Variants in CHD4 observed in about 807,000 individuals in gnomAD.
CHD4 encodes ATP-dependent chromatin remodeler CHD4.
A neutral mutation model predicts 235.5 loss-of-function variants in CHD4; 35 were observed. That is an observed-to-expected ratio of 0.15 (90% CI 0.11 to 0.20). The LOEUF (loss-of-function observed/expected upper bound fraction) is 0.20. Among genes scored for constraint, CHD4 ranks in the 10% least tolerant of loss-of-function variants. CHD4 has a pLI of 1.00. For synonymous variants in CHD4, 900 were observed against 850.2 expected, an observed-to-expected ratio of 1.06 and a Z score of -1.02; for missense variants, 1,329 against 2,432.3, an observed-to-expected ratio of 0.55 and a Z score of 9.54.
In CHD4 at chr12:6,581,114, C is replaced by T; in HGVS notation, c.4839G>A (p.Glu1613=). 6.2e-7 allele frequency: 1 copy of T among 1,614,138 alleles called. No individual in the cohort carries two copies. Among genetic ancestry groups the T allele is most frequent in the South Asian group, 1.1e-5 (1 of 91,076 alleles). Residue 1613 remains glutamate (E), a synonymous_variant, in exon 33 of 40, where the codon GAG becomes GAA. Transcript: ENST00000544040. The part of the protein sequence containing the change: ...EDEKVVVEPP[E]GEEKVEKAEV... ...CTGCCTTTTCCACTTTCTCCTCTCCCTCAGGGGGTTCAACAACGACCTTTT... is the reference window on the plus strand; with the variant it reads ...CTGCCTTTTCCACTTTCTCCTCTCCTTCAGGGGGTTCAACAACGACCTTTT...
At chr12:6,587,978 A>G (rs1433135623) in intron 23 of CHD4, 29 bp from the exon 24 acceptor site, 1 of 1,597,152 alleles carries the variant, frequency 6.3e-7, no homozygotes, top group African/African-American at 1.3e-5. Context: ...TAAAGCCAGA[A>G]ATTGTATTTT....
At chr12:6,572,868 A>T (rs1438093385) in intron 38 of CHD4, 2 of 473,620 alleles carry the variant, frequency 4.2e-6, no homozygotes, top group Non-Finnish European at 7.2e-6. Flanking sequence ...CCAGGAGTCC[A>T]TCTCTTTAAA....
At chr12:6,576,641 C>CT (rs1948076390) in intron 37 of CHD4, among the ~76,000 whole-genome samples, 1 of 152,106 alleles carries the variant, frequency 6.6e-6, no homozygotes. Context: ...GAGTCTCGCT[C>CT]TGTCGCCAGA....
intron 14 of CHD4, among the ~76,000 whole-genome samples, chr12:6,594,978 T>C (rs1412087306): frequency 6.6e-6 from 1 of 152,136 alleles, no homozygotes; most frequent in Non-Finnish European, 1.5e-5. Context: ...CTTTTTAACT[T>C]TAATCACCCT....
chr12:6,574,822 T>G (rs1948040585), intron 37 of CHD4, among the ~76,000 whole-genome samples: 1 of 152,248 alleles, frequency 6.6e-6, no homozygotes. Context: ...TCAGTCTCAC[T>G]CATTCTGTAC....
At chr12:6,597,844 G>C (rs1381857304) in intron 12 of CHD4, 50 bp downstream of exon 12, 10 of 1,519,140 alleles carry the variant, frequency 6.6e-6, no homozygotes, top group Non-Finnish European at 9.1e-6. Flanking sequence ...AATCTCTTTA[G>C]CAGGACTCTC....
intron 35 of CHD4, 26 bp downstream of exon 35, chr12:6,578,383 C>T: frequency 1.9e-6 from 3 of 1,607,914 alleles, no homozygotes; most frequent in Non-Finnish European, 2.5e-6. Flanking sequence ...ATCCTTCTAA[C>T]CCTGGTGGGC....
intron 25 of CHD4, among the ~76,000 whole-genome samples, chr12:6,585,013 G>A (rs921318527): frequency 6.6e-6 from 1 of 152,184 alleles, no homozygotes; most frequent in Non-Finnish European, 1.5e-5. Context: ...TCACAGGTAA[G>A]CATCAGGGAA....
chr12:6,583,156 T>C (rs764195378), intron 26 of CHD4, 42 bp downstream of exon 26: 1 of 1,111,360 alleles, frequency 9.0e-7, no homozygotes, highest in African/African-American at 1.7e-5. Context: ...ACTGCTCTAG[T>C]GGAACGGCCC....
At chr12:6,579,750 CAAA>C (rs61518872) in intron 33 of CHD4, among the ~76,000 whole-genome samples, 8 of 73,516 alleles carry the variant, frequency 1.1e-4, no homozygotes, top group Non-Finnish European at 1.3e-4. Context: ...GACTCCGTCT[CAAA>C]AAAAAAAAAA....
At chr12:6,591,376 C>T (rs1948397181) in intron 22 of CHD4, 90 bp downstream of exon 22, 8 of 991,292 alleles carry the variant, frequency 8.1e-6, no homozygotes, top group Non-Finnish European at 1.2e-5. Context: ...CCCAAAAGAA[C>T]TACACAGAAA....
At chr12:6,580,737 A>C in intron 33 of CHD4, 2 of 274,802 alleles carry the variant, frequency 7.3e-6, no homozygotes, top group Admixed American at 5.4e-5. Context: ...AGCCAGGCAC[A>C]GTGGCTCATG....
rs1294331842 is a variant in CHD4 at position 6,606,385 on chromosome 12, C to A, written c.-12G>T. On this transcript the variant is annotated 5_prime_UTR_variant, in exon 2 of 40. Transcript: ENST00000544040. The stretch of plus-strand genomic sequence containing the variant: ...AGGCCCGACGCCATCCCCTTCCGCT[C>A]CCGGCCAGGGAATTGGCCCAGCTGC... 1 of 1,564,142 alleles carries A rather than the reference C, an allele frequency of 6.4e-7. No homozygotes were observed. Among genetic ancestry groups the A allele is most frequent in the Admixed American group, 1.9e-5 (1 of 51,622 alleles).
intron 7 of CHD4, 102 bp from the exon 8 acceptor site, chr12:6,600,771 C>A: frequency 6.5e-7 from 1 of 1,534,268 alleles, no homozygotes; most frequent in Non-Finnish European, 8.8e-7. Context: ...AGAATCCCAG[C>A]AAGCACCGTT....
Position 6,593,535 on chromosome 12 carries a change from G to A in CHD4, c.2395C>T (p.Pro799Ser), listed in dbSNP as rs568006107. ...NWEREFEMWA[P>S]DMYVVTYVGD... ...ACATAGGTTACGACATACATGTCTG[G>A]AGCCCACATTTCAAACTCCCGCTCC... Residue 799 changes from proline (P) to serine (S), a missense_variant, in exon 16 of 40, where the codon CCA becomes TCA. Physicochemically the swap from Pro to Ser is moderately conservative, Grantham distance 74. Coordinates refer to ENST00000544040, the MANE Select transcript of CHD4 (RefSeq NM_001273.5). This position sits in a 1 kb window ranked among gnomAD's most constrained non-coding sequence, Gnocchi z 4.9. 6.2e-7 allele frequency: 1 copy of A among 1,614,174 alleles called. No individual in the cohort carries two copies. Among genetic ancestry groups the A allele is most frequent in the East Asian group, 2.2e-5 (1 of 44,876 alleles).
intron 7 of CHD4, 39 bp from the exon 8 acceptor site, chr12:6,600,708 C>T (rs1430523742): frequency 6.2e-6 from 10 of 1,610,272 alleles, no homozygotes; most frequent in Non-Finnish European, 6.8e-6. Context: ...ACGTTCAAGC[C>T]AAGGGGAAGG....
chr12:6,599,811 C>G lies in CHD4; in HGVS notation c.1444G>C (p.Glu482Gln), dbSNP rs1185160288. 1 of 1,614,184 alleles carries G rather than the reference C, an allele frequency of 6.2e-7. No individual in the cohort carries two copies. Among genetic ancestry groups the G allele is most frequent in the South Asian group, 1.1e-5 (1 of 91,076 alleles). ...CAGAGCCATTCACCGTTGGGGATCT[C>G]TGGAAGTGGGGGATTCAGGCAGTGG... ...HIHCLNPPLP[E>Q]IPNGEWLCPR... Residue 482 changes from glutamate (E) to glutamine (Q), a missense_variant, in exon 10 of 40, where the codon GAG (glutamate) becomes CAG (glutamine). Coordinates refer to ENST00000544040, the MANE Select transcript of CHD4 (RefSeq NM_001273.5).
rs757879181 is a variant in CHD4, at chr12:6,578,876, C to T, written c.4951G>A (p.Asp1651Asn). The change falls in exon 34 of 40, where the codon GAT (aspartate) becomes AAT (asparagine). Residue 1651 changes from aspartate to asparagine, a missense_variant. Coordinates refer to ENST00000544040, the MANE Select transcript of CHD4 (RefSeq NM_001273.5). ...TCTTCTACCACAATAGGGGTCAGAT[C>T]TATTGCTGACTTTTCCTCCACCTTC... ...VEKVEEKSAI[D>N]LTPIVVEDKE... is the part of the protein sequence containing the mutation. 6.2e-7 allele frequency: 1 copy of T among 1,614,220 alleles called. No homozygotes were observed. Among genetic ancestry groups the T allele is most frequent in the Admixed American group, 1.7e-5 (1 of 60,026 alleles).
At chr12:6,575,559 T>G (rs776348767) in intron 37 of CHD4, among the ~76,000 whole-genome samples, 4 of 152,110 alleles carry the variant, frequency 2.6e-5, no homozygotes, top group African/African-American at 7.2e-5. Flanking sequence ...TTCTTTGGTG[T>G]TGTTTCCTTT....
Sources: gnomAD v4.1 joint callset for allele counts (sites outside exome capture counted in the v4.1 genomes callset) on GRCh38, gnomAD v4.1.1 for gene constraint, Gnocchi (gnomAD v3.1) non-coding constraint, MANE v1.5 for transcripts, NCBI Gene and HGNC (gene_info 2026-07-23, HGNC 2026-07-21) for gene names.